BMP7: variants seen among roughly 807,000 people sequenced by gnomAD.
The protein encoded by BMP7 is osteogenic protein 1.
In BMP7, 12 loss-of-function variants were observed where a neutral mutation model predicts 41.2. That is an observed-to-expected ratio of 0.29 (90% CI 0.19 to 0.47). The LOEUF is 0.47. Among genes scored for constraint, BMP7 ranks in the 20% least tolerant of loss-of-function variants. The pLI is 0.99. For synonymous variants in BMP7, 248 were observed against 250.0 expected (o/e 0.99, Z 0.07); for missense variants, 467 against 606.0 (o/e 0.77, Z 2.41).
At chr20:57,244,525 G>A (rs1026591083) in intron 1 of BMP7, among the ~76,000 whole-genome samples, 1 of 152,238 alleles carries the variant, frequency 6.6e-6, no homozygotes, top group Non-Finnish European at 1.5e-5. Context: ...TGGGCCATGG[G>A]GCCTGGAGGT....
intron 3 of BMP7, among the ~76,000 whole-genome samples, chr20:57,185,289 G>A (rs1415596604): frequency 6.6e-6 from 1 of 152,216 alleles, no homozygotes; most frequent in South Asian, 2.1e-4. Flanking sequence ...GTTGAAAGAC[G>A]ATGTACAGGG....
At chr20:57,193,682 G>C (rs981815632) in intron 3 of BMP7, among the ~76,000 whole-genome samples, 6 of 152,100 alleles carry the variant, frequency 3.9e-5, no homozygotes, top group African/African-American at 1.2e-4. Context: ...CATCCATCTG[G>C]TGGCTTCCAG....
Position 57,202,547 on chromosome 20 carries a change from C to T in BMP7, c.688G>A (p.Ala230Thr), listed in dbSNP as rs1338073615. 1.2e-6 allele frequency: 2 copies of T among 1,611,594 alleles called. No individual in the cohort carries two copies. The highest frequency in any genetic ancestry group is 2.2e-5 in the South Asian group (2 of 91,072). Reference protein sequence around the residue: ...EEGWLVFDITATSNHWVVNPR... With the variant: ...EEGWLVFDITTTSNHWVVNPR... ...TTGACCACCCAGTGGTTGCTGGTGGCTGTGATGTCAAACACCAGCCAGCCC... is the reference window on the plus strand; with the variant it reads ...TTGACCACCCAGTGGTTGCTGGTGGTTGTGATGTCAAACACCAGCCAGCCC... The change falls in exon 3 of 7, where the codon GCC becomes ACC. Residue 230 changes from alanine (A) to threonine (T), a missense_variant. By Grantham distance (58) the Ala-to-Thr change is moderately conservative. Transcript: ENST00000395863.
chr20:57,257,964 A>C (rs1227811235), intron 1 of BMP7, among the ~76,000 whole-genome samples: 1 of 152,146 alleles, frequency 6.6e-6, no homozygotes, highest in Non-Finnish European at 1.5e-5. Flanking sequence ...AGCTACATGA[A>C]AGCAGAAGAC....
chr20:57,201,555 C>T (rs572110736), intron 3 of BMP7, among the ~76,000 whole-genome samples: 1 of 152,322 alleles, frequency 6.6e-6, no homozygotes, highest in South Asian at 2.1e-4. Flanking sequence ...AACTCAGCAG[C>T]TGGAGAAGAA....
At chr20:57,173,567 G>A in intron 5 of BMP7, 1 of 577,070 alleles carries the variant, frequency 1.7e-6, no homozygotes, top group East Asian at 3.0e-5. Context: ...TGGGAAGACG[G>A]CTCAAAGCTG....
intron 2 of BMP7, among the ~76,000 whole-genome samples, chr20:57,203,973 TA>T (rs1212707507): frequency 6.6e-6 from 1 of 152,236 alleles, no homozygotes; most frequent in East Asian, 1.9e-4. Context: ...CAACACTCTG[TA>T]GGGTAGATAA....
rs539219767 is a variant in BMP7 at position 57,173,060 on chromosome 20, C to G, written c.1146+140G>C. Reference sequence around the variant, plus strand: ...AGTACAATTTTTGATTTTTTTTTAACGGCGCAAGGGGCCCCCAAAAGTCAT... The same window carrying G: ...AGTACAATTTTTGATTTTTTTTTAAGGGCGCAAGGGGCCCCCAAAAGTCAT... On this transcript the variant is annotated intron_variant, in intron 6 of 6. Transcript: ENST00000395863. 3.6e-6 allele frequency: 3 copies of G among 830,054 alleles called. No homozygotes were observed. The African/African-American group carries it at 5.1e-5, about 14-fold the overall frequency. The allele number at this position is 830,054 out of a possible 1,614,324, so 51.4% of individuals were successfully genotyped here.
chr20:57,241,781 A>G (rs531230194), intron 1 of BMP7, among the ~76,000 whole-genome samples: 2 of 152,328 alleles, frequency 1.3e-5, no homozygotes, highest in Admixed American at 1.3e-4. Context: ...TGATTGTACC[A>G]CAAGATTAAA....
intron 1 of BMP7, among the ~76,000 whole-genome samples, chr20:57,235,654 G>C (rs1483022923): frequency 6.6e-6 from 1 of 152,200 alleles, no homozygotes; most frequent in Non-Finnish European, 1.5e-5. Context: ...GGGCACTGTA[G>C]GCAGAGGCAA....
At chr20:57,243,509 C>T (rs931870886) in intron 1 of BMP7, among the ~76,000 whole-genome samples, 2 of 152,058 alleles carry the variant, frequency 1.3e-5, no homozygotes, top group Non-Finnish European at 2.9e-5. Context: ...AATGAAATGG[C>T]GTTCCCAGTG....
chr20:57,191,185 C>T (rs1014750500), intron 3 of BMP7, among the ~76,000 whole-genome samples: 5 of 152,122 alleles, frequency 3.3e-5, no homozygotes, highest in Admixed American at 1.3e-4. Flanking sequence ...GATTAATGAA[C>T]TTAGAAGGTG....
rs1294260617 is a variant in BMP7 at position 57,259,498 on chromosome 20, T to C, written c.418+6207A>G. On this transcript the variant is annotated intron_variant, in intron 1 of 6. Transcript: ENST00000395863. This position sits in a 1 kb window ranked among gnomAD's most constrained non-coding sequence, Gnocchi z 4.7. ...GCAGGGTTGTGTGAGAGGCTCTGGT[T>C]TGGAAATGCATTAACACACGTTCAA... 1.3e-5 allele frequency among the ~76,000 whole-genome samples: 2 copies of C among 152,340 alleles called. No individual in the cohort carries two copies. Among genetic ancestry groups the C allele is most frequent in the South Asian group, 2.1e-4 (1 of 4,826 alleles).
At chr20:57,222,103 G>A (rs919408511) in intron 2 of BMP7, among the ~76,000 whole-genome samples, 7 of 152,112 alleles carry the variant, frequency 4.6e-5, no homozygotes, top group African/African-American at 9.7e-5. Flanking sequence ...GGGGACACCC[G>A]CTCGGCTTCA....
At position 57,263,802 on chromosome 20, in the gene BMP7, C is replaced by T. The variant is rs117581774; in HGVS notation, c.418+1903G>A. On this transcript the variant is annotated intron_variant, in intron 1 of 6. Transcript: ENST00000395863. ...GTTTTTGGTATAGTTAATAAATACA[C>T]ATTGTTTTAAAAAAATCACAAATAC... 4.6e-4 allele frequency among the ~76,000 whole-genome samples: 67 copies of T among 146,706 alleles called. 1 individual carries two copies. In the East Asian group the frequency reaches 0.011, roughly 25 times the overall value.
intron 4 of BMP7, among the ~76,000 whole-genome samples, chr20:57,183,246 AAT>A (rs1984125998): frequency 6.6e-6 from 1 of 152,124 alleles, no homozygotes; most frequent in Non-Finnish European, 1.5e-5. Context: ...AAAAAAAAAA[AAT>A]GTGTGTGTGT....
intron 1 of BMP7, among the ~76,000 whole-genome samples, chr20:57,257,703 C>A (rs774242797): frequency 1.3e-5 from 2 of 151,228 alleles, no homozygotes; most frequent in East Asian, 3.9e-4. Flanking sequence ...CCGAAACAAC[C>A]AATATCTGAG....
intron 3 of BMP7, among the ~76,000 whole-genome samples, chr20:57,192,644 A>G (rs1984397975): frequency 1.3e-5 from 2 of 152,028 alleles, no homozygotes. Flanking sequence ...GACCTGCATC[A>G]TATTTTAACC....
rs1804798875 is a variant in BMP7, at chr20:57,228,262, C to T, written c.578G>A (p.Ser193Asn). The change falls in exon 2 of 7, where the codon AGC becomes AAC. Residue 193 changes from serine (S) to asparagine (N), a missense_variant. Coordinates refer to ENST00000395863, the MANE Select transcript of BMP7 (RefSeq NM_001719.3). The surrounding 1 kb of genome is among the most constrained non-coding windows in gnomAD (Gnocchi z 4.5). ...GTGCTCCTGGAGCACCTGATAAACG[C>T]TGATCCGGAACGTCTCATTGTCGAA... ...ERFDNETFRI[S>N]VYQVLQEHLG... 2.5e-6 allele frequency: 4 copies of T among 1,613,856 alleles called. No homozygotes were observed. Among genetic ancestry groups the T allele is most frequent in the Non-Finnish European group, 3.4e-6 (4 of 1,180,036 alleles).
Sources: allele counts gnomAD v4.1 joint callset (sites outside exome capture counted in the v4.1 genomes callset), GRCh38; gene constraint gnomAD v4.1.1; non-coding constraint Gnocchi (gnomAD v3.1); transcripts MANE v1.5; gene names NCBI Gene and HGNC (gene_info 2026-07-23, HGNC 2026-07-21).